CNTN4: variants seen among roughly 807,000 people sequenced by gnomAD.
CNTN4 encodes contactin 4, also known as contactin-4.
In CNTN4, 77 loss-of-function variants were observed where a neutral mutation model predicts 122.5. That is an observed-to-expected ratio of 0.63 (90% confidence interval 0.52 to 0.76). The LOEUF (loss-of-function observed/expected upper bound fraction) is 0.76. Ranked by LOEUF, CNTN4 falls within the 30% of genes least tolerant of loss-of-function variation. CNTN4 has a pLI of 0.00. For synonymous variants in CNTN4, 512 were observed against 447.0 expected, an observed-to-expected ratio of 1.15 and a Z score of -1.83; for missense variants, 1,256 against 1,259.1, an observed-to-expected ratio of 1.00 and a Z score of 0.04.
chr3:2,237,218 G>C (rs1280668458), intron 2 of CNTN4, among the ~76,000 whole-genome samples: 1 of 152,130 alleles, frequency 6.6e-6, no homozygotes, highest in Non-Finnish European at 1.5e-5. Flanking sequence ...AAGATGAAGA[G>C]ATGTGAATGA....
intron 3 of CNTN4, among the ~76,000 whole-genome samples, chr3:2,551,997 T>G (rs1431852679): frequency 6.6e-6 from 1 of 152,166 alleles, no homozygotes; most frequent in African/African-American, 2.4e-5. Context: ...AGATACCTTT[T>G]CTTTCTTTTC....
chr3:2,119,847 A>C (rs2033604221), intron 2 of CNTN4, among the ~76,000 whole-genome samples: 1 of 152,200 alleles, frequency 6.6e-6, no homozygotes, highest in Non-Finnish European at 1.5e-5. Flanking sequence ...GGTTACCCAA[A>C]AAGAGTTAAA....
At chr3:2,848,582 C>T (rs1422873607) in intron 7 of CNTN4, among the ~76,000 whole-genome samples, 2 of 152,260 alleles carry the variant, frequency 1.3e-5, no homozygotes, top group East Asian at 1.9e-4. Context: ...TAAATAAACA[C>T]GGGAATTTTT....
intron 2 of CNTN4, among the ~76,000 whole-genome samples, chr3:2,295,859 G>A (rs978504756): frequency 3.9e-5 from 6 of 152,120 alleles, no homozygotes; most frequent in Non-Finnish European, 5.9e-5. Context: ...TTTGAATAAG[G>A]TGTAAGGAAG....
intron 2 of CNTN4, among the ~76,000 whole-genome samples, chr3:2,291,730 A>G (rs1346722456): frequency 6.6e-6 from 1 of 151,630 alleles, no homozygotes; most frequent in Non-Finnish European, 1.5e-5. Context: ...ATTTTATTTT[A>G]TTTTATTTAT....
At chr3:2,177,518 A>T (rs1324344782) in intron 2 of CNTN4, among the ~76,000 whole-genome samples, 1 of 152,046 alleles carries the variant, frequency 6.6e-6, no homozygotes, top group Non-Finnish European at 1.5e-5. Context: ...GCTATTCAGC[A>T]TGCCTGTGCT....
At chr3:2,281,098 CT>C (rs2041698259) in intron 2 of CNTN4, among the ~76,000 whole-genome samples, 1 of 152,172 alleles carries the variant, frequency 6.6e-6, no homozygotes, top group South Asian at 2.1e-4. Flanking sequence ...CAAGTCATCC[CT>C]GGTCACATAA....
chr3:2,772,702 G>A (rs1190315700), intron 6 of CNTN4, among the ~76,000 whole-genome samples: 1 of 152,184 alleles, frequency 6.6e-6, no homozygotes. Flanking sequence ...AGGATACTCA[G>A]CAGTTGAATA....
rs2077095807 is a variant in CNTN4, at chr3:2,518,239, ACACG to A, written c.-88-53173_-88-53170del. 2.0e-5 allele frequency among the ~76,000 whole-genome samples: 3 copies of A among 149,982 alleles called. No individual in the cohort carries two copies. In the South Asian group the frequency reaches 6.3e-4, roughly 31 times the overall value. ...TATGTGTGTGTGTGTGTGTGTGCAC[ACACG>A]CACATGCACGCATCTAGGCTAAGAT... On this transcript the variant is annotated intron_variant, in intron 3 of 24. Coordinates refer to ENST00000418658, the MANE Select transcript of CNTN4 (RefSeq NM_175607.3).
intron 4 of CNTN4, among the ~76,000 whole-genome samples, chr3:2,580,102 A>G (rs17016921): frequency 0.068 from 10,287 of 152,088 alleles, 405 homozygotes; most frequent in South Asian, 0.11. Context: ...TGGGTAGAGC[A>G]CTCAGGAAGG....
At chr3:2,136,156 T>C (rs993214833) in intron 2 of CNTN4, among the ~76,000 whole-genome samples, 1 of 152,226 alleles carries the variant, frequency 6.6e-6, no homozygotes, top group African/African-American at 2.4e-5. Context: ...TGTAAGGATG[T>C]AATCCCACGT....
At chr3:2,375,369 TTTC>T (rs1426511429) in intron 3 of CNTN4, among the ~76,000 whole-genome samples, 1 of 152,254 alleles carries the variant, frequency 6.6e-6, no homozygotes, top group African/African-American at 2.4e-5. Flanking sequence ...TTTCTTTTTC[TTTC>T]TTCTTTTTCT....
chr3:2,846,200 T>G (rs1452106761), intron 7 of CNTN4, among the ~76,000 whole-genome samples: 1 of 152,360 alleles, frequency 6.6e-6, no homozygotes, highest in Admixed American at 6.5e-5. Context: ...AATCTCATCT[T>G]GAATTGTAGT....
chr3:2,878,590 T>C (rs913607516), intron 8 of CNTN4, among the ~76,000 whole-genome samples: 12 of 150,772 alleles, frequency 8.0e-5, no homozygotes, highest in Admixed American at 2.0e-4. Context: ...TGTGTGTGTG[T>C]CTTTCTGTCT....
At chr3:2,970,230 G>A (rs1559734400) in intron 13 of CNTN4, among the ~76,000 whole-genome samples, 1 of 151,958 alleles carries the variant, frequency 6.6e-6, no homozygotes, top group Non-Finnish European at 1.5e-5. Context: ...AAGTAATTGG[G>A]ACTACAAGTG....
chr3:2,838,703 A>C lies in CNTN4; in HGVS notation c.454+19122A>C, dbSNP rs143284934. ...GCAGACTAATGATTCCCTGCTGACT[A>C]TCTGCTCTGCTTGCAGTTCTGCCTT... is the stretch of plus-strand genomic sequence containing the variant. On this transcript the variant is annotated intron_variant, in intron 7 of 24. Coordinates refer to ENST00000418658, the MANE Select transcript of CNTN4 (RefSeq NM_175607.3). Among the ~76,000 whole-genome samples, 364 of 152,254 alleles carry C rather than the reference A, an allele frequency of 2.4e-3. 3 individuals carry two copies. Among genetic ancestry groups the C allele is most frequent in the African/African-American group, 8.0e-3 (332 of 41,538 alleles).
In CNTN4 at chr3:2,817,273, G is replaced by A. The variant is rs369166026; in HGVS notation, c.359-2213G>A. On this transcript the variant is annotated intron_variant, in intron 6 of 24. Transcript: ENST00000418658. ...CTTGAAACAAAGAACATTCATTCTC[G>A]TTACATTTATGAGAAAATTAAGACC... Among the ~76,000 whole-genome samples, 8 of 152,230 alleles carry A rather than the reference G, an allele frequency of 5.3e-5. No individual in the cohort carries two copies. In the East Asian group the frequency reaches 5.8e-4, roughly 11 times the overall value.
chr3:2,166,260 C>T (rs2149205774), intron 2 of CNTN4, among the ~76,000 whole-genome samples: 1 of 152,098 alleles, frequency 6.6e-6, no homozygotes, highest in South Asian at 2.1e-4. Flanking sequence ...AAATCAAAAC[C>T]ACAATGAAAT....
chr3:2,531,095 TA>T (rs982703630), intron 3 of CNTN4, among the ~76,000 whole-genome samples: 10 of 152,108 alleles, frequency 6.6e-5, no homozygotes, highest in Admixed American at 2.6e-4. Flanking sequence ...AAGAACCTCC[TA>T]AAAAAGAGTC....
Sources: gnomAD v4.1 joint callset for allele counts (sites outside exome capture counted in the v4.1 genomes callset) on GRCh38, gnomAD v4.1.1 for gene constraint, MANE v1.5 for transcripts, NCBI Gene and HGNC (gene_info 2026-07-23, HGNC 2026-07-21) for gene names.